ZFYVE26: variants seen among roughly 807,000 people sequenced by gnomAD.
ZFYVE26 encodes the protein zinc finger FYVE-type containing 26.
In ZFYVE26, 181 loss-of-function variants were observed where a neutral mutation model predicts 276.5. That is an observed-to-expected ratio of 0.65 (90% confidence interval 0.58 to 0.74). The LOEUF (loss-of-function observed/expected upper bound fraction) is 0.74. ZFYVE26 is among the 30% of genes least tolerant of loss of function. The pLI, the probability that ZFYVE26 is intolerant of heterozygous loss-of-function variation, is 0.00. For missense variants in ZFYVE26, 2,821 were observed against 3,097.9 expected (o/e 0.91, Z 2.12); for synonymous variants, 1,129 against 1,203.1 (o/e 0.94, Z 1.27).
Position 67,772,101 on chromosome 14 carries a change from T to A in ZFYVE26, c.5430A>T (p.Val1810=), listed in dbSNP as rs372548412. The A allele has an allele frequency of 1.9e-6, 3 of 1,612,596 alleles. No individual in the cohort carries two copies. Among genetic ancestry groups the A allele is most frequent in the Non-Finnish European group, 1.7e-6 (2 of 1,179,690 alleles). Residue 1810 remains valine (V), a synonymous_variant, in exon 28 of 42, where the codon GTA becomes GTT. Coordinates refer to ENST00000347230, the MANE Select transcript of ZFYVE26 (RefSeq NM_015346.4). The part of the protein sequence containing the change: ...PATPPARHQW[V]PDETESICMV... ...TGCAGATACTCTCAGTCTCATCCGG[T>A]ACCCACTGGTGCCTGGCAGGGGGTG...
Position 67,793,545 on chromosome 14 carries a change from A to C in ZFYVE26, c.2553+63T>G, listed in dbSNP as rs1424213596. On this transcript the variant is annotated intron_variant, in intron 14 of 41. Coordinates refer to ENST00000347230, the MANE Select transcript of ZFYVE26 (RefSeq NM_015346.4). ...TGCTCCCAGGTGGCTCTGGTTGTAC[A>C]TGCTCCGAGCCTTACCTGATGCTAA... The C allele has an allele frequency of 4.4e-6, 7 of 1,576,520 alleles. No homozygotes were observed. The East Asian group carries it at 1.6e-4, about 36-fold the overall frequency.
intron 23 of ZFYVE26, among the ~76,000 whole-genome samples, chr14:67,779,805 A>G (rs2039447249): frequency 6.6e-6 from 1 of 152,216 alleles, no homozygotes; most frequent in African/African-American, 2.4e-5. Context: ...AAAAGAGTCA[A>G]TTGTATTAGT....
intron 35 of ZFYVE26, chr14:67,756,418 T>G: frequency 2.0e-6 from 1 of 506,594 alleles, no homozygotes; most frequent in Non-Finnish European, 3.6e-6. Context: ...CCCACTCTAA[T>G]CTAGCTCTGC....
At chr14:67,811,743 A>C (rs2040306217) in intron 3 of ZFYVE26, among the ~76,000 whole-genome samples, 1 of 150,590 alleles carries the variant, frequency 6.6e-6, no homozygotes, top group African/African-American at 2.4e-5. Flanking sequence ...GTTATATTTT[A>C]GTGCAATATA....
chr14:67,803,618 C>T (rs2040121035), intron 9 of ZFYVE26, among the ~76,000 whole-genome samples: 1 of 152,208 alleles, frequency 6.6e-6, no homozygotes, highest in African/African-American at 2.4e-5. Context: ...GCTGGGATTA[C>T]AGGCGTGAGA....
At chr14:67,774,001 G>T (rs1205543913) in intron 27 of ZFYVE26, among the ~76,000 whole-genome samples, 2 of 152,162 alleles carry the variant, frequency 1.3e-5, no homozygotes, top group Non-Finnish European at 1.5e-5. Flanking sequence ...CTTTGTGTGT[G>T]ACAGTATGAA....
intron 13 of ZFYVE26, chr14:67,734,599 G>C (rs1427304772): frequency 6.2e-6 from 1 of 161,562 alleles, no homozygotes; most frequent in Non-Finnish European, 1.4e-5. Context: ...AGAACTCAGG[G>C]CAAAGACAGC....
At chr14:67,768,648 A>G in intron 29 of ZFYVE26, 100 bp from the exon 30 acceptor site, 1 of 1,139,534 alleles carries the variant, frequency 8.8e-7, no homozygotes, top group South Asian at 1.2e-5. Context: ...CCCTGGTACA[A>G]TGGAGGGCTC....
downstream of ZFYVE26, among the ~76,000 whole-genome samples, chr14:67,743,927 G>A (rs2140171741): frequency 6.6e-6 from 1 of 152,332 alleles, no homozygotes; most frequent in Non-Finnish European, 1.5e-5. Flanking sequence ...TAGGGTAGAG[G>A]AGGTGCTGAA....
intron 28 of ZFYVE26, chr14:67,769,994 A>G (rs2039165862): frequency 3.9e-6 from 2 of 509,582 alleles, no homozygotes; most frequent in Admixed American, 6.4e-5. Context: ...TGGAGGCAAC[A>G]TGTGGAAAAA....
At chr14:67,756,787 G>A (rs1020396868) in intron 35 of ZFYVE26, among the ~76,000 whole-genome samples, 4 of 152,042 alleles carry the variant, frequency 2.6e-5, no homozygotes, top group African/African-American at 9.7e-5. Context: ...CTGTTGATTT[G>A]CTGATGATGC....
rs1031323176 is a variant in ZFYVE26 at position 67,762,033 on chromosome 14, A to G, written c.6369+170T>C. 4.5e-6 allele frequency: 3 copies of G among 666,118 alleles called. No individual in the cohort carries two copies. In the South Asian group the frequency reaches 5.3e-5, roughly 12 times the overall value. 41.3% of individuals were successfully genotyped at this position (666,118 alleles called of 1,614,324 possible). A position where few individuals can be genotyped will look rare whatever the true frequency, so the allele number is the denominator to read the frequency against. ...TTACATCTATTACTTATCTAACCAT[A>G]TATGGTTACTTATCTAACTATATGT... On this transcript the variant is annotated intron_variant, in intron 34 of 41. Coordinates refer to ENST00000347230, the MANE Select transcript of ZFYVE26 (RefSeq NM_015346.4).
chr14:67,765,066 G>C (rs932410516), intron 32 of ZFYVE26, among the ~76,000 whole-genome samples: 2 of 150,578 alleles, frequency 1.3e-5, no homozygotes, highest in Non-Finnish European at 3.0e-5. Flanking sequence ...CTCATAATTA[G>C]GTAGATTTTT....
intron 2 of ZFYVE26, among the ~76,000 whole-genome samples, 188 bp from the exon 3 acceptor site, chr14:67,814,252 C>T (rs1380707048): frequency 3.3e-5 from 5 of 152,200 alleles, no homozygotes; most frequent in Non-Finnish European, 5.9e-5. Flanking sequence ...GGCAAGGTGG[C>T]TCACACCGGT....
intron 3 of ZFYVE26, 118 bp from the exon 4 acceptor site, chr14:67,809,407 T>A: frequency 1.0e-4 from 11 of 104,784 alleles, no homozygotes; most frequent in Non-Finnish European, 1.6e-4. Context: ...GATGAAGCAC[T>A]CTTTTTTTTT....
At chr14:67,730,606 C>T (rs750515886) in intron 13 of ZFYVE26, among the ~76,000 whole-genome samples, 3 of 152,056 alleles carry the variant, frequency 2.0e-5, no homozygotes, top group Non-Finnish European at 4.4e-5. Flanking sequence ...CTTCTGATCC[C>T]AAGCATTTTT....
At chr14:67,800,167 A>C (rs2040048370) in intron 10 of ZFYVE26, among the ~76,000 whole-genome samples, 2 of 152,266 alleles carry the variant, frequency 1.3e-5, no homozygotes, top group South Asian at 4.1e-4. Context: ...AAATAAAAAA[A>C]GTAAAACATG....
intron 23 of ZFYVE26, among the ~76,000 whole-genome samples, chr14:67,779,819 T>C (rs1358940963): frequency 6.6e-6 from 1 of 152,234 alleles, no homozygotes; most frequent in Non-Finnish European, 1.5e-5. Context: ...TATTAGTCTC[T>C]ATACTTATCT....
rs190946830 is a variant in ZFYVE26 at position 67,807,726 on chromosome 14, G to A, written c.558C>T (p.His186=). ...CCACCAGTGCATTCTGCAGAGGCCAGTGACAGAGGCCAGTACCGTCATCCT... is the reference window on the plus strand; with the variant it reads ...CCACCAGTGCATTCTGCAGAGGCCAATGACAGAGGCCAGTACCGTCATCCT... ...LEEDDGTGLC[H]WPLQNALVDL... is the part of the protein sequence containing the mutation. The change falls in exon 5 of 42, where the codon CAC becomes CAT. Residue 186 remains histidine, a synonymous_variant. Coordinates refer to ENST00000347230, the MANE Select transcript of ZFYVE26 (RefSeq NM_015346.4). 34 of 1,614,196 alleles carry A rather than the reference G, an allele frequency of 2.1e-5. No homozygotes were observed. In the Admixed American group the frequency reaches 5.3e-4, roughly 25 times the overall value.
Sources: allele counts gnomAD v4.1 joint callset (sites outside exome capture counted in the v4.1 genomes callset), GRCh38; gene constraint gnomAD v4.1.1; transcripts MANE v1.5; gene names NCBI Gene and HGNC (gene_info 2026-07-23, HGNC 2026-07-21).